Variants in GPR107 observed in about 807,000 individuals in gnomAD.
The protein encoded by GPR107 is protein GPR107.
GPR107 carries 31 observed loss-of-function variants against 75.5 expected under a neutral mutation model. The ratio of observed to expected loss-of-function variants is 0.41; its 90% CI spans 0.31 to 0.55. The LOEUF is 0.55. Ranked by LOEUF, GPR107 falls within the 20% of genes least tolerant of loss-of-function variation. The pLI is 0.26. For synonymous variants in GPR107, 267 were observed against 251.3 expected, an observed-to-expected ratio of 1.06 and a Z score of -0.59; for missense variants, 572 against 665.7, an observed-to-expected ratio of 0.86 and a Z score of 1.55.
chr9:130,098,424 A>C (rs903135245), intron 9 of GPR107, among the ~76,000 whole-genome samples: 18 of 151,954 alleles, frequency 1.2e-4, no homozygotes, highest in African/African-American at 4.3e-4. Context: ...CAGTCCCCCT[A>C]CTCTGGGCTG....
intron 1 of GPR107, among the ~76,000 whole-genome samples, chr9:130,066,287 G>T (rs1310351626): frequency 6.6e-6 from 1 of 151,798 alleles, no homozygotes; most frequent in Non-Finnish European, 1.5e-5. Flanking sequence ...CAATAAGAGT[G>T]AAACTCTGTC....
chr9:130,082,549 G>A (rs1052662589), intron 5 of GPR107, among the ~76,000 whole-genome samples: 9 of 147,462 alleles, frequency 6.1e-5, no homozygotes, highest in Non-Finnish European at 1.0e-4. Flanking sequence ...GCGCGATCTC[G>A]GCTCACTGCA....
chr9:130,076,507 C>T, intron 3 of GPR107, 45 bp downstream of exon 3: 1 of 1,217,398 alleles, frequency 8.2e-7, no homozygotes, highest in Non-Finnish European at 1.2e-6. Flanking sequence ...CACCTGAGCC[C>T]AGGCCATTGA....
At chr9:130,132,722 G>C (rs562183448) in intron 17 of GPR107, among the ~76,000 whole-genome samples, 88 of 152,068 alleles carry the variant, frequency 5.8e-4, no homozygotes, top group African/African-American at 2.1e-3. Context: ...GGAGACGGAG[G>C]TTGCAGTGAG....
At chr9:130,076,767 C>A (rs540650114) in intron 3 of GPR107, among the ~76,000 whole-genome samples, 1 of 152,284 alleles carries the variant, frequency 6.6e-6, no homozygotes, top group East Asian at 1.9e-4. Flanking sequence ...CCCACTGTGG[C>A]CTCCCAGAGT....
rs1829960795 is a variant in GPR107, at chr9:130,062,663, T to TGCC, written c.141+8590_141+8591insGCC. Among the ~76,000 whole-genome samples, 725 of 74,214 alleles carry TGCC rather than the reference T, an allele frequency of 9.8e-3. 11 individuals are homozygous for TGCC. The highest frequency in any genetic ancestry group is 0.037 in the African/African-American group (674 of 18,002). The allele number at this position is 74,214 out of a possible 152,430, so 48.7% of individuals were successfully genotyped here. ...CTGCCTGCCTGCCTGCCTGCCTGCC[T>TGCC]TCCTTCCTTCCTTCCTTCCTTCCTT... On this transcript the variant is annotated intron_variant, in intron 1 of 17. Coordinates refer to ENST00000347136, the MANE Select transcript of GPR107 (RefSeq NM_020960.5).
At chr9:130,075,781 A>ACT in intron 2 of GPR107, 32 bp downstream of exon 2, 1 of 929,954 alleles carries the variant, frequency 1.1e-6, no homozygotes, top group Admixed American at 2.8e-5. Context: ...CCAGGGGTTT[A>ACT]CTCTTTTTTT....
chr9:130,139,124 C>T lies in GPR107; in HGVS notation c.*4003C>T, dbSNP rs10819601. ...CCCGCCCCTGGCCTTGTAAGACTCA[C>T]GTAAGCTAAGTCCAGGATGCCTGTG... On this transcript the variant is annotated 3_prime_UTR_variant, in exon 18 of 18. Coordinates refer to ENST00000347136, the MANE Select transcript of GPR107 (RefSeq NM_020960.5). The T allele has an allele frequency of 0.17, 25,326 of 152,230 alleles. 2,862 individuals carry two copies. Among genetic ancestry groups the T allele is most frequent in the East Asian group, 0.32 (1,641 of 5,174 alleles). 9.4% of individuals were successfully genotyped at this position (152,230 alleles called of 1,614,324 possible). A position where few individuals can be genotyped will look rare whatever the true frequency, so the allele number is the denominator to read the frequency against.
intron 5 of GPR107, among the ~76,000 whole-genome samples, chr9:130,080,698 A>G (rs1404315897): frequency 6.6e-6 from 1 of 150,952 alleles, no homozygotes; most frequent in Non-Finnish European, 1.5e-5. Flanking sequence ...TCACGGTGTT[A>G]GCTAGGATGG....
intron 14 of GPR107, among the ~76,000 whole-genome samples, chr9:130,109,775 T>C (rs1831250565): frequency 6.6e-6 from 1 of 151,350 alleles, no homozygotes; most frequent in South Asian, 2.1e-4. Flanking sequence ...TCCACTATGT[T>C]GGCCAGGCTG....
chr9:130,086,620 T>C, intron 7 of GPR107, 144 bp downstream of exon 7: 1 of 638,820 alleles, frequency 1.6e-6, no homozygotes, highest in South Asian at 1.9e-5. Context: ...GCTCTCCTTA[T>C]AACAAGCCCA....
intron 9 of GPR107, among the ~76,000 whole-genome samples, chr9:130,093,642 T>C (rs1830794390): frequency 6.6e-6 from 1 of 152,130 alleles, no homozygotes; most frequent in Admixed American, 6.5e-5. Flanking sequence ...GGGAAGGAGC[T>C]ACATAATCAT....
chr9:130,114,351 A>G (rs1469879224), intron 14 of GPR107, among the ~76,000 whole-genome samples: 2 of 152,066 alleles, frequency 1.3e-5, no homozygotes, highest in Admixed American at 6.5e-5. Context: ...CCTGGGCCGC[A>G]GAGTAAGACT....
In GPR107 at chr9:130,116,001, C is replaced by T. The variant is rs1221094818; in HGVS notation, c.1306+8462C>T. Among the ~76,000 whole-genome samples the T allele has an allele frequency of 2.0e-5, 3 of 152,212 alleles. No homozygotes were observed. The East Asian group carries it at 5.8e-4, about 29-fold the overall frequency. On this transcript the variant is annotated intron_variant, in intron 14 of 17. Transcript: ENST00000347136. ...TTACTTTTCCTTAGCAGATTGCACT[C>T]TATTCCTGTAATGCCATCAACTGAG...
intron 13 of GPR107, among the ~76,000 whole-genome samples, chr9:130,105,265 T>TA (rs1182998013): frequency 6.6e-6 from 1 of 151,876 alleles, no homozygotes; most frequent in Non-Finnish European, 1.5e-5. Context: ...TTTTTTTTTT[T>TA]AACCCGAGAT....
chr9:130,112,710 A>G lies in GPR107; in HGVS notation c.1306+5171A>G, dbSNP rs932615731. ...TACGTGTGCACTTGTTTGAATTGCA[A>G]GCTGAACTAGCTGCTTTTATTTTAT... On this transcript the variant is annotated intron_variant, in intron 14 of 17. Coordinates refer to ENST00000347136, the MANE Select transcript of GPR107 (RefSeq NM_020960.5). This position sits in a 1 kb window ranked among gnomAD's most constrained non-coding sequence, Gnocchi z 4.0. Among the ~76,000 whole-genome samples the G allele has an allele frequency of 8.5e-5, 13 of 152,100 alleles. No individual in the cohort carries two copies. Among genetic ancestry groups the G allele is most frequent in the Admixed American group, 2.6e-4 (4 of 15,258 alleles).
At chr9:130,058,475 T>C (rs929660449) in intron 1 of GPR107, among the ~76,000 whole-genome samples, 14 of 152,104 alleles carry the variant, frequency 9.2e-5, no homozygotes, top group Non-Finnish European at 1.8e-4. Context: ...TTTTTCTTTT[T>C]TTTTTTTTAG....
At chr9:130,124,838 A>C (rs1460460824) in intron 14 of GPR107, 77 bp from the exon 15 acceptor site, 1 of 840,632 alleles carries the variant, frequency 1.2e-6, no homozygotes, top group Non-Finnish European at 1.9e-6. Flanking sequence ...CTCTTGACTG[A>C]GAAGGTATCT....
intron 14 of GPR107, among the ~76,000 whole-genome samples, chr9:130,121,356 A>C (rs1013850350): frequency 1.3e-5 from 2 of 152,236 alleles, no homozygotes; most frequent in African/African-American, 4.8e-5. Context: ...TAATTGCAAA[A>C]AAATCTTATA....
Sources: allele counts gnomAD v4.1 joint callset (sites outside exome capture counted in the v4.1 genomes callset), GRCh38; gene constraint gnomAD v4.1.1; non-coding constraint Gnocchi (gnomAD v3.1); transcripts MANE v1.5; gene names NCBI Gene and HGNC (gene_info 2026-07-23, HGNC 2026-07-21).